ATP8A2: variants seen among roughly 807,000 people sequenced by gnomAD.
The protein encoded by ATP8A2 is phospholipid-transporting ATPase IB.
Under a neutral mutation model 165.6 loss-of-function variants are expected in ATP8A2, and 100 were observed. That is an observed-to-expected ratio of 0.60 (90% CI 0.51 to 0.71). The LOEUF (loss-of-function observed/expected upper bound fraction) is 0.71. Ranked by LOEUF, ATP8A2 falls within the 30% of genes least tolerant of loss-of-function variation. The pLI is 0.00. For synonymous variants in ATP8A2, 543 were observed against 548.8 expected, an observed-to-expected ratio of 0.99 and a Z score of 0.15; for missense variants, 1,227 against 1,479.5, an observed-to-expected ratio of 0.83 and a Z score of 2.80.
chr13:25,450,555 G>A (rs1401554916), intron 1 of ATP8A2, among the ~76,000 whole-genome samples: 1 of 151,782 alleles, frequency 6.6e-6, no homozygotes, highest in Admixed American at 6.6e-5. Context: ...TGTGTGAGAC[G>A]GAGTCTCGCT....
At chr13:25,960,026 T>G (rs780063001) in intron 33 of ATP8A2, among the ~76,000 whole-genome samples, 25 of 152,226 alleles carry the variant, frequency 1.6e-4, no homozygotes, top group Non-Finnish European at 2.6e-4. Context: ...TCCTGTAAAC[T>G]TCACTGCTTT....
chr13:25,956,193 C>G (rs980138002), intron 33 of ATP8A2, among the ~76,000 whole-genome samples: 1 of 152,162 alleles, frequency 6.6e-6, no homozygotes, highest in African/African-American at 2.4e-5. Context: ...GGAAGCATTC[C>G]CTTTGAAAAC....
intron 1 of ATP8A2, among the ~76,000 whole-genome samples, chr13:25,412,835 G>T (rs550878973): frequency 7.9e-5 from 12 of 152,016 alleles, no homozygotes; most frequent in South Asian, 2.1e-4. Context: ...ATTTTTTTTG[G>T]GGGGGGATGG....
At chr13:25,711,402 G>A (rs550432919) in intron 25 of ATP8A2, among the ~76,000 whole-genome samples, 1 of 152,190 alleles carries the variant, frequency 6.6e-6, no homozygotes, top group South Asian at 2.1e-4. Flanking sequence ...AAAGTATTTT[G>A]AGCAGAGTAG....
chr13:25,610,148 GT>G (rs1356040370), intron 24 of ATP8A2, among the ~76,000 whole-genome samples: 11 of 151,986 alleles, frequency 7.2e-5, no homozygotes, highest in Non-Finnish European at 1.5e-4. Flanking sequence ...CTTTGTTTTT[GT>G]TGCATTTGCT....
intron 28 of ATP8A2, among the ~76,000 whole-genome samples, chr13:25,828,634 T>C (rs977576681): frequency 6.6e-6 from 1 of 152,222 alleles, no homozygotes; most frequent in African/African-American, 2.4e-5. Flanking sequence ...TATCTGTCCT[T>C]GTGGAAGAAC....
intron 33 of ATP8A2, among the ~76,000 whole-genome samples, chr13:25,937,625 G>A (rs1438909711): frequency 2.7e-5 from 4 of 150,822 alleles, no homozygotes; most frequent in Middle Eastern, 3.4e-3. Context: ...TGAGGCTGGC[G>A]GATCACGAGG....
intron 33 of ATP8A2, among the ~76,000 whole-genome samples, chr13:25,884,636 T>C (rs1320043202): frequency 6.6e-6 from 1 of 152,358 alleles, no homozygotes; most frequent in East Asian, 1.9e-4. Context: ...CCTGATCCTC[T>C]GTCAGATGCA....
intron 33 of ATP8A2, among the ~76,000 whole-genome samples, chr13:25,920,867 A>T (rs1954429664): frequency 1.3e-5 from 2 of 152,212 alleles, no homozygotes; most frequent in African/African-American, 4.8e-5. Flanking sequence ...ACTTGAGCCC[A>T]GGAGTTCGAG....
At chr13:25,877,813 C>T (rs1370603634) in intron 33 of ATP8A2, among the ~76,000 whole-genome samples, 1 of 152,212 alleles carries the variant, frequency 6.6e-6, no homozygotes, top group East Asian at 1.9e-4. Context: ...CCAAGCCCTT[C>T]AGACATGTCA....
At chr13:25,978,150 T>C (rs995430017) in intron 35 of ATP8A2, among the ~76,000 whole-genome samples, 1 of 152,180 alleles carries the variant, frequency 6.6e-6, no homozygotes, top group Non-Finnish European at 1.5e-5. Context: ...GGGAGGATAG[T>C]TTTATTTAAC....
In ATP8A2 at chr13:25,431,505, G is replaced by T. The variant is rs969520167; in HGVS notation, c.77-37472G>T. Reference sequence around the variant, plus strand: ...ATAGTAACTTTTACTTCGGCGGCGGGGGGGGAATCTCATACAATTATGATG... The same window carrying T: ...ATAGTAACTTTTACTTCGGCGGCGGTGGGGGAATCTCATACAATTATGATG... On this transcript the variant is annotated intron_variant, in intron 1 of 36. Transcript: ENST00000381655. 3.9e-5 allele frequency among the ~76,000 whole-genome samples: 6 copies of T among 152,098 alleles called. No homozygotes were observed. The South Asian group carries it at 8.4e-4, about 21-fold the overall frequency.
intron 24 of ATP8A2, among the ~76,000 whole-genome samples, chr13:25,673,696 G>A (rs7338495): frequency 0.051 from 7,704 of 152,156 alleles, 632 homozygotes; most frequent in African/African-American, 0.17. Context: ...CTATTGGTGC[G>A]TAGGAAAAAT....
intron 33 of ATP8A2, among the ~76,000 whole-genome samples, chr13:25,957,641 A>T (rs1276536054): frequency 6.6e-6 from 1 of 152,216 alleles, no homozygotes; most frequent in Non-Finnish European, 1.5e-5. Context: ...ATGTGGAGAA[A>T]TAGGAACGCT....
At chr13:25,909,975 A>G (rs1186526958) in intron 33 of ATP8A2, among the ~76,000 whole-genome samples, 3 of 152,152 alleles carry the variant, frequency 2.0e-5, no homozygotes, top group South Asian at 2.1e-4. Flanking sequence ...TGCAATTTCC[A>G]TTCCTTTTTC....
rs932154702 is a variant in ATP8A2, at chr13:25,782,825, C to T, written c.2679+7866C>T. On this transcript the variant is annotated intron_variant, in intron 27 of 36. Transcript: ENST00000381655. ...CGTGATCTCGACTCACTGCAAGCCCCGCCTCCTGGGTTCACTTGATTCTCT... is the reference window on the plus strand; with the variant it reads ...CGTGATCTCGACTCACTGCAAGCCCTGCCTCCTGGGTTCACTTGATTCTCT... Among the ~76,000 whole-genome samples, 16 of 152,198 alleles carry T rather than the reference C, an allele frequency of 1.1e-4. No homozygotes were observed. The East Asian group carries it at 2.5e-3, about 24-fold the overall frequency.
chr13:25,620,477 G>A (rs890966536), intron 24 of ATP8A2, among the ~76,000 whole-genome samples: 5 of 152,112 alleles, frequency 3.3e-5, no homozygotes, highest in African/African-American at 9.6e-5. Context: ...CATGTTGTAC[G>A]GAAAAAAATA....
In ATP8A2 at chr13:25,861,399, G is replaced by A. The variant is rs1290288504; in HGVS notation, c.3075+539G>A. On this transcript the variant is annotated intron_variant, in intron 32 of 36. Coordinates refer to ENST00000381655, the MANE Select transcript of ATP8A2 (RefSeq NM_016529.6). ...ATTGTTCTTGATTAAAGAGTATTAC[G>A]TTTTACAGATGTCCCACCATTTACT... 3.9e-5 allele frequency among the ~76,000 whole-genome samples: 6 copies of A among 152,172 alleles called. No homozygotes were observed. In the South Asian group the frequency reaches 6.2e-4, roughly 16 times the overall value.
At chr13:25,907,968 T>G (rs1953992162) in intron 33 of ATP8A2, among the ~76,000 whole-genome samples, 1 of 152,226 alleles carries the variant, frequency 6.6e-6, no homozygotes, top group Non-Finnish European at 1.5e-5. Flanking sequence ...AGTTAAACTG[T>G]CCTGTTGGAT....
Sources: allele counts gnomAD v4.1 joint callset (sites outside exome capture counted in the v4.1 genomes callset), GRCh38; gene constraint gnomAD v4.1.1; transcripts MANE v1.5; gene names NCBI Gene and HGNC (gene_info 2026-07-23, HGNC 2026-07-21).